Variants in PSD3 observed in about 807,000 individuals in gnomAD.
PSD3 encodes the protein PH and SEC7 domain-containing protein 3.
A neutral mutation model predicts 105.5 loss-of-function variants in PSD3; 49 were observed. The observed-to-expected ratio is 0.46, with a 90% CI of 0.37 to 0.59. The LOEUF (loss-of-function observed/expected upper bound fraction) is 0.59, where lower values mean the gene tolerates loss of function less well. Among genes scored for constraint, PSD3 ranks in the 20% least tolerant of loss-of-function variants. The probability of loss-of-function intolerance (pLI) is 0.00; values close to 1 mark genes in which losing one functional copy is unlikely to be tolerated. For missense variants in PSD3, 1,561 were observed against 1,263.8 expected, an observed-to-expected ratio of 1.24 and a Z score of -3.57; for synonymous variants, 557 against 457.8, an observed-to-expected ratio of 1.22 and a Z score of -2.77.
chr8:18,788,637 G>A (rs750349014), intron 8 of PSD3, among the ~76,000 whole-genome samples: 10 of 152,076 alleles, frequency 6.6e-5, no homozygotes, highest in East Asian at 1.9e-4. Flanking sequence ...TGCGGAAAAC[G>A]TGCTTTTGGA....
intron 1 of PSD3, among the ~76,000 whole-genome samples, chr8:18,953,839 C>A (rs1823395444): frequency 6.6e-6 from 1 of 152,088 alleles, no homozygotes; most frequent in Non-Finnish European, 1.5e-5. Context: ...CTCGCATATA[C>A]TGACATGGAT....
chr8:18,857,277 G>A (rs989570854), intron 4 of PSD3, among the ~76,000 whole-genome samples: 38 of 152,184 alleles, frequency 2.5e-4, no homozygotes, highest in African/African-American at 7.5e-4. Flanking sequence ...GCAGCTTCCA[G>A]TAAACGCTTC....
intron 2 of PSD3, among the ~76,000 whole-genome samples, chr8:18,891,921 A>G (rs1159708702): frequency 6.6e-6 from 1 of 152,162 alleles, no homozygotes; most frequent in Non-Finnish European, 1.5e-5. Flanking sequence ...CTTTTTACAA[A>G]AGAAGAATAT....
At chr8:19,079,249 C>A (rs985319363) in intron 1 of PSD3, among the ~76,000 whole-genome samples, 6 of 152,092 alleles carry the variant, frequency 3.9e-5, no homozygotes, top group African/African-American at 1.4e-4. Context: ...AGTAATAAAT[C>A]AAGACATCTG....
chr8:18,774,817 G>C, intron 8 of PSD3: 1 of 445,128 alleles, frequency 2.2e-6, no homozygotes, highest in Non-Finnish European at 4.5e-6. Flanking sequence ...CTGTCACTTC[G>C]GCGACATACA....
chr8:18,546,350 G>A (rs1800450368), intron 15 of PSD3, among the ~76,000 whole-genome samples: 1 of 152,072 alleles, frequency 6.6e-6, no homozygotes. Flanking sequence ...CTTTAAATGG[G>A]AAGTATCATA....
At chr8:18,829,083 C>A (rs6586768) in intron 4 of PSD3, among the ~76,000 whole-genome samples, 35,884 of 151,754 alleles carry the variant, frequency 0.24, 4,653 homozygotes, top group Non-Finnish European at 0.27. Context: ...AAAAAAAATA[C>A]TGAAAATTTA....
chr8:18,864,565 G>C (rs1816687569), intron 4 of PSD3: 1 of 152,130 alleles, frequency 6.6e-6, no homozygotes, highest in Non-Finnish European at 1.5e-5. Flanking sequence ...GCGATCAGGG[G>C]AGAATTCATT....
chr8:18,668,353 G>C (rs1309639885), intron 9 of PSD3, among the ~76,000 whole-genome samples: 1 of 152,154 alleles, frequency 6.6e-6, no homozygotes, highest in Non-Finnish European at 1.5e-5. Flanking sequence ...TTCATGTTTC[G>C]CCTGGTATTT....
intron 12 of PSD3, among the ~76,000 whole-genome samples, chr8:18,592,349 G>A (rs745877216): frequency 7.2e-5 from 11 of 152,006 alleles, no homozygotes; most frequent in Non-Finnish European, 1.5e-4. Flanking sequence ...AGATAAATAA[G>A]AATGAAAAAG....
intron 2 of PSD3, among the ~76,000 whole-genome samples, 154 bp from the exon 3 acceptor site, chr8:18,872,887 C>T (rs969565688): frequency 6.6e-6 from 1 of 152,276 alleles, no homozygotes; most frequent in Middle Eastern, 3.4e-3. Context: ...AACACACACT[C>T]CTCATGACAC....
Position 19,058,931 on chromosome 8 carries a change from A to C in PSD3, c.324+25275T>G, listed in dbSNP as rs557124304. On this transcript the variant is annotated intron_variant, in intron 1 of 1. Transcript: ENST00000521475. The stretch of plus-strand genomic sequence containing the variant: ...AGGTGAGGTTAATTGAAGGATGGGC[A>C]CCCATAGCTGGCCCTCGCGTTCACT... Among the ~76,000 whole-genome samples, 91 of 152,304 alleles carry C rather than the reference A, an allele frequency of 6.0e-4. 1 individual carries two copies. Among genetic ancestry groups the C allele is most frequent in the African/African-American group, 2.1e-3 (86 of 41,560 alleles).
At chr8:18,774,710 C>A (rs570225014) in intron 8 of PSD3, 1 of 361,612 alleles carries the variant, frequency 2.8e-6, no homozygotes, top group Non-Finnish European at 5.5e-6. Flanking sequence ...TGTAGAACTT[C>A]CTGAGGTTTG....
intron 11 of PSD3, among the ~76,000 whole-genome samples, chr8:18,614,109 G>C (rs981008743): frequency 5.9e-5 from 9 of 152,144 alleles, no homozygotes; most frequent in Non-Finnish European, 1.2e-4. Flanking sequence ...TCTCTTCTTA[G>C]TTGACATGCC....
intron 1 of PSD3, among the ~76,000 whole-genome samples, chr8:18,942,426 A>G (rs2129469492): frequency 6.6e-6 from 1 of 152,340 alleles, no homozygotes; most frequent in African/African-American, 2.4e-5. Flanking sequence ...GACAGGGACA[A>G]GAAGCTCAAG....
At chr8:18,855,332 C>A (rs1194636217) in intron 4 of PSD3, among the ~76,000 whole-genome samples, 1 of 152,150 alleles carries the variant, frequency 6.6e-6, no homozygotes, top group Non-Finnish European at 1.5e-5. Context: ...TAGAGAAGTT[C>A]TTCCATGTGT....
intron 4 of PSD3, among the ~76,000 whole-genome samples, chr8:18,817,724 T>C (rs779954822): frequency 3.3e-5 from 5 of 152,230 alleles, no homozygotes; most frequent in Non-Finnish European, 7.3e-5. Flanking sequence ...TTACGGAATC[T>C]AGAGACTCTG....
intron 9 of PSD3, among the ~76,000 whole-genome samples, chr8:18,749,668 C>G (rs578246033): frequency 1.5e-4 from 23 of 152,082 alleles, no homozygotes; most frequent in African/African-American, 5.1e-4. Flanking sequence ...GAAGATGCAC[C>G]AGAAAAGGAA....
chr8:18,689,053 G>C lies in PSD3; in HGVS notation c.2173-33368C>G, dbSNP rs925638460. On this transcript the variant is annotated intron_variant, in intron 9 of 15. Transcript: ENST00000327040. ...CTTTCTCTAAGGACACCGTTTGGTA[G>C]ATAAACCCTAAAAGGCTTCTAACAA... Among the ~76,000 whole-genome samples, 8 of 152,190 alleles carry C rather than the reference G, an allele frequency of 5.3e-5. No individual in the cohort carries two copies. In the East Asian group the frequency reaches 1.2e-3, roughly 22 times the overall value.
Sources: allele counts gnomAD v4.1 joint callset (sites outside exome capture counted in the v4.1 genomes callset), GRCh38; gene constraint gnomAD v4.1.1; transcripts MANE v1.5; gene names NCBI Gene and HGNC (gene_info 2026-07-23, HGNC 2026-07-21).